Variants in CDH18 observed in about 807,000 individuals in gnomAD.
CDH18 encodes cadherin-18.
CDH18 carries 31 observed loss-of-function variants against 67.9 expected under a neutral mutation model. The ratio of observed to expected loss-of-function variants is 0.46; its 90% CI spans 0.34 to 0.62. CDH18 has a LOEUF of 0.62. Among genes scored for constraint, CDH18 ranks in the 20% least tolerant of loss-of-function variants. CDH18 has a pLI of 0.01. For synonymous variants in CDH18, 362 were observed against 347.2 expected (o/e 1.04, Z -0.48); for missense variants, 890 against 975.5 (o/e 0.91, Z 1.17).
chr5:19,899,683 T>C (rs1265422450), intron 2 of CDH18, among the ~76,000 whole-genome samples: 1 of 152,114 alleles, frequency 6.6e-6, no homozygotes, highest in Non-Finnish European at 1.5e-5. Context: ...ATAGCCAATA[T>C]GTGAAAACAA....
intron 8 of CDH18, among the ~76,000 whole-genome samples, chr5:19,544,793 G>T (rs557153718): frequency 6.6e-6 from 1 of 152,198 alleles, no homozygotes; most frequent in South Asian, 2.1e-4. Context: ...CTAGCAGGAG[G>T]AAGGGAAACA....
chr5:20,026,169 C>A (rs183136510), intron 2 of CDH18, among the ~76,000 whole-genome samples: 200 of 152,198 alleles, frequency 1.3e-3, no homozygotes, highest in Admixed American at 4.8e-3. Context: ...GCCGTAAGAA[C>A]ACATTGCCTT....
intron 5 of CDH18, among the ~76,000 whole-genome samples, chr5:19,680,224 A>G (rs1760092737): frequency 6.6e-6 from 1 of 152,072 alleles, no homozygotes; most frequent in Non-Finnish European, 1.5e-5. Flanking sequence ...GCCTAGCCAT[A>G]TGCAGAAGAT....
At chr5:19,575,934 G>A (rs940733631) in intron 7 of CDH18, among the ~76,000 whole-genome samples, 3 of 152,028 alleles carry the variant, frequency 2.0e-5, no homozygotes, top group Non-Finnish European at 4.4e-5. Context: ...TGAAACTCTA[G>A]GTTTAATGTC....
At chr5:19,813,386 T>C (rs747596032) in intron 3 of CDH18, among the ~76,000 whole-genome samples, 10 of 152,110 alleles carry the variant, frequency 6.6e-5, no homozygotes, top group Non-Finnish European at 1.3e-4. Context: ...CTCATTTCTA[T>C]GTGGATAAGA....
chr5:19,964,916 G>A (rs1176642266), intron 2 of CDH18, among the ~76,000 whole-genome samples: 2 of 151,928 alleles, frequency 1.3e-5, no homozygotes, highest in African/African-American at 4.8e-5. Context: ...AGATATAAGG[G>A]CTTTAAATAG....
intron 2 of CDH18, among the ~76,000 whole-genome samples, chr5:20,071,560 T>G (rs1280907016): frequency 6.6e-6 from 1 of 152,086 alleles, no homozygotes; most frequent in Non-Finnish European, 1.5e-5. Context: ...AAATTGAGAT[T>G]TTTATTTAAT....
chr5:19,877,468 T>C (rs1285719172), intron 2 of CDH18, among the ~76,000 whole-genome samples: 1 of 152,084 alleles, frequency 6.6e-6, no homozygotes, highest in South Asian at 2.1e-4. Context: ...TATAGGCACA[T>C]AAAAGTATAG....
chr5:20,304,960 T>C (rs1736290333), intron 1 of CDH18: 7 of 1,613,864 alleles, frequency 4.3e-6, no homozygotes, highest in Non-Finnish European at 5.9e-6. Context: ...CACGGAGCAG[T>C]TCAAGGCGGC....
At chr5:20,568,645 A>G (rs992731441) in intron 1 of CDH18, among the ~76,000 whole-genome samples, 1 of 152,230 alleles carries the variant, frequency 6.6e-6, no homozygotes, top group Non-Finnish European at 1.5e-5. Flanking sequence ...GCTAACATAC[A>G]TATCCATATA....
intron 1 of CDH18, among the ~76,000 whole-genome samples, chr5:20,424,683 G>C (rs1337850923): frequency 7.1e-6 from 1 of 141,622 alleles, no homozygotes; most frequent in Non-Finnish European, 1.5e-5. Context: ...GGAGATGGAG[G>C]TTGCAGTGAG....
chr5:20,108,516 T>C (rs1747184023), intron 2 of CDH18, among the ~76,000 whole-genome samples: 2 of 152,058 alleles, frequency 1.3e-5, no homozygotes, highest in African/African-American at 4.8e-5. Context: ...GTCAAAACAG[T>C]CACTGAATTT....
intron 2 of CDH18, among the ~76,000 whole-genome samples, chr5:20,235,432 A>G (rs1742397796): frequency 6.6e-6 from 1 of 152,172 alleles, no homozygotes; most frequent in Admixed American, 6.6e-5. Flanking sequence ...TCAACAAGCA[A>G]AAAATGAATA....
intron 1 of CDH18, among the ~76,000 whole-genome samples, chr5:20,351,094 A>C (rs1419603929): frequency 6.6e-6 from 1 of 151,778 alleles, no homozygotes. Context: ...AGCACAATCA[A>C]TTCCTTTTAC....
chr5:20,406,542 G>A (rs1019955225), intron 1 of CDH18, among the ~76,000 whole-genome samples: 7 of 151,336 alleles, frequency 4.6e-5, no homozygotes, highest in Non-Finnish European at 7.4e-5. Flanking sequence ...GAACCTGTAC[G>A]TTGTGCACAT....
intron 2 of CDH18, among the ~76,000 whole-genome samples, chr5:19,948,359 G>T (rs1224227213): frequency 6.6e-6 from 1 of 152,048 alleles, no homozygotes; most frequent in East Asian, 1.9e-4. Flanking sequence ...TCCTTCAACG[G>T]GTGAATGGTT....
At chr5:19,668,130 A>T (rs1758221862) in intron 5 of CDH18, among the ~76,000 whole-genome samples, 1 of 152,072 alleles carries the variant, frequency 6.6e-6, no homozygotes, top group Non-Finnish European at 1.5e-5. Context: ...TTGAGATGGG[A>T]CAAATCTGAA....
chr5:19,866,941 T>A (rs1397880656), intron 2 of CDH18, among the ~76,000 whole-genome samples: 1 of 151,912 alleles, frequency 6.6e-6, no homozygotes, highest in Non-Finnish European at 1.5e-5. Context: ...AATACAAAAA[T>A]TAACCAGGTG....
chr5:19,993,201 A>G (rs886122723), intron 2 of CDH18, among the ~76,000 whole-genome samples: 2 of 152,188 alleles, frequency 1.3e-5, no homozygotes, highest in African/African-American at 4.8e-5. Context: ...CCCAAGTATG[A>G]ATGTATTAAA....
Sources: allele counts gnomAD v4.1 joint callset (sites outside exome capture counted in the v4.1 genomes callset), GRCh38; gene constraint gnomAD v4.1.1; transcripts MANE v1.5; gene names NCBI Gene and HGNC (gene_info 2026-07-23, HGNC 2026-07-21).